Variants in GGTA1 observed in about 807,000 individuals in gnomAD.
GGTA1 encodes inactive N-acetyllactosaminide alpha-1,3-galactosyltransferase.
Under a neutral mutation model 2.6 loss-of-function variants are expected in GGTA1, and 5 were observed. The ratio of observed to expected loss-of-function variants is 1.92; its 90% CI spans 1.00 to 4.04. The LOEUF (loss-of-function observed/expected upper bound fraction) is 4.04, where lower values mean the gene tolerates loss of function less well. Ranked by LOEUF, GGTA1 falls within the 30% of genes most tolerant of loss-of-function variation. The pLI, the probability that GGTA1 is intolerant of heterozygous loss-of-function variation, is 0.00. For synonymous variants in GGTA1, 17 were observed against 5.0 expected, an observed-to-expected ratio of 3.38 and a Z score of -3.19; for missense variants, 50 against 16.7, an observed-to-expected ratio of 2.99 and a Z score of -3.47.
chr9:121,497,966 G>C (rs1263986168), intron 1 of GGTA1, among the ~76,000 whole-genome samples: 1 of 152,222 alleles, frequency 6.6e-6, no homozygotes, highest in Non-Finnish European at 1.5e-5. Context: ...CAGGTCTCCT[G>C]GTAAGGTGTG....
chr9:121,452,782 G>A (rs973696649), downstream of GGTA1, among the ~76,000 whole-genome samples: 2 of 152,198 alleles, frequency 1.3e-5, no homozygotes, highest in East Asian at 3.9e-4. Context: ...GCCTACCAAA[G>A]TGCCAGGATT....
intron 1 of GGTA1, among the ~76,000 whole-genome samples, chr9:121,486,201 C>T (rs992511641): frequency 6.6e-6 from 1 of 152,210 alleles, no homozygotes; most frequent in Admixed American, 6.5e-5. Context: ...TTCTCTGCTG[C>T]AAGGGCTATC....
rs1461414608 is a variant in GGTA1, at chr9:121,480,292, G to A, written c.-9-12361C>T. Among the ~76,000 whole-genome samples the A allele has an allele frequency of 5.9e-5, 9 of 152,004 alleles. 1 individual carries two copies. The highest frequency in any genetic ancestry group is 7.4e-5 in the Non-Finnish European group (5 of 67,978). The stretch of plus-strand genomic sequence containing the variant: ...AGGATGGTCTCGATCTCTTGACCTC[G>A]TGATCCGCCCGCCTCAGCCTCCCAA... On this transcript the variant is annotated intron_variant, in intron 1 of 5. Coordinates refer to ENST00000481799, the MANE Select transcript of GGTA1 (RefSeq NM_001382585.1).
At chr9:121,496,632 TGAGGC>T (rs1828997846) in intron 1 of GGTA1, among the ~76,000 whole-genome samples, 2 of 88,154 alleles carry the variant, frequency 2.3e-5, no homozygotes, top group African/African-American at 3.3e-5. Context: ...CTCAGGAGGC[TGAGGC>T]AGGAGAATCG....
intron 1 of GGTA1, among the ~76,000 whole-genome samples, chr9:121,479,913 T>C (rs1828604739): frequency 1.3e-5 from 2 of 152,188 alleles, no homozygotes; most frequent in South Asian, 4.1e-4. Context: ...ACAAGAACTT[T>C]AAAAGGTCAC....
intron 1 of GGTA1, among the ~76,000 whole-genome samples, chr9:121,471,560 T>G (rs1828391642): frequency 6.6e-6 from 1 of 152,176 alleles, no homozygotes; most frequent in Non-Finnish European, 1.5e-5. Flanking sequence ...TGAAATCCAG[T>G]TAAAGAAGAG....
intron 1 of GGTA1, among the ~76,000 whole-genome samples, chr9:121,496,900 G>A (rs998217659): frequency 6.6e-6 from 1 of 151,794 alleles, no homozygotes; most frequent in African/African-American, 2.4e-5. Flanking sequence ...CGTAAGATTT[G>A]TAGGTTTTAC....
chr9:121,485,937 C>A (rs1004583710), intron 1 of GGTA1, among the ~76,000 whole-genome samples: 5 of 152,176 alleles, frequency 3.3e-5, no homozygotes, highest in Non-Finnish European at 5.9e-5. Context: ...AACAACAACA[C>A]CACCACCACC....
Position 121,484,569 on chromosome 9 carries a change from C to T in GGTA1, c.-10+15081G>A, listed in dbSNP as rs572305361. On this transcript the variant is annotated intron_variant, in intron 1 of 5. Transcript: ENST00000481799. ...AAAGTACTGGGATTATAGGTCCCGC[C>T]GCTGTCTACATTTTTCAAATGTTCT... 2.2e-4 allele frequency among the ~76,000 whole-genome samples: 34 copies of T among 152,266 alleles called. No individual in the cohort carries two copies. In the South Asian group the frequency reaches 5.6e-3, roughly 25 times the overall value.
chr9:121,474,436 G>A (rs1828462774), intron 1 of GGTA1, among the ~76,000 whole-genome samples: 1 of 152,148 alleles, frequency 6.6e-6, no homozygotes, highest in Non-Finnish European at 1.5e-5. Context: ...GGGTCACATT[G>A]TACAGCCTGT....
intron 1 of GGTA1, among the ~76,000 whole-genome samples, chr9:121,493,639 C>T (rs528039638): frequency 1.2e-4 from 18 of 144,518 alleles, no homozygotes; most frequent in East Asian, 5.8e-4. Context: ...CTCTGTCAGC[C>T]GCTGTCTTCC....
chr9:121,460,180 T>C lies in GGTA1; in HGVS notation c.222A>G (p.Lys74=). ...CTTTGGTCTCCTCTCTTCCTTTTTC[T>C]TTGTCTATGTCTTCTTCCCCTTGTT... ...NYQQGEEDID[K]EKGREETKGR... The change falls in exon 5 of 6, where the codon AAA becomes AAG. Residue 74 remains lysine (K), a synonymous_variant. Coordinates refer to ENST00000481799, the MANE Select transcript of GGTA1 (RefSeq NM_001382585.1). 2 of 457,112 alleles carry C rather than the reference T, an allele frequency of 4.4e-6. No homozygotes were observed. The highest frequency in any genetic ancestry group is 8.8e-6 in the Non-Finnish European group (2 of 227,070). The allele number at this position is 457,112 out of a possible 1,614,324, so 28.3% of individuals were successfully genotyped here.
intron 4 of GGTA1, among the ~76,000 whole-genome samples, chr9:121,460,590 A>G (rs948373296): frequency 9.2e-5 from 14 of 152,192 alleles, no homozygotes; most frequent in Admixed American, 6.5e-5. Context: ...GATCACGCCT[A>G]TAATCTCAGC....
intron 2 of GGTA1, among the ~76,000 whole-genome samples, chr9:121,465,804 C>T (rs2065001414): frequency 6.6e-6 from 1 of 152,214 alleles, no homozygotes; most frequent in African/African-American, 2.4e-5. Flanking sequence ...AGGAGGATGA[C>T]AGCTAGCATT....
chr9:121,465,654 G>A (rs1008014498), intron 2 of GGTA1, among the ~76,000 whole-genome samples: 1 of 150,006 alleles, frequency 6.7e-6, no homozygotes, highest in Non-Finnish European at 1.5e-5. Flanking sequence ...GTGGCCATCT[G>A]CCAGCCAGGA....
downstream of GGTA1, among the ~76,000 whole-genome samples, chr9:121,453,260 C>T (rs2064887453): frequency 6.6e-6 from 1 of 152,216 alleles, no homozygotes; most frequent in Non-Finnish European, 1.5e-5. Context: ...CTGGCAAGGA[C>T]CTTCTCCTTA....
At chr9:121,452,090 G>A (rs959240457), downstream of GGTA1, 10 of 152,598 alleles carry the variant, frequency 6.6e-5, no homozygotes, top group African/African-American at 2.4e-4. Flanking sequence ...CCACACAAAT[G>A]TTTTGACAGT....
At chr9:121,498,976 G>T (rs569274296) in intron 1 of GGTA1, among the ~76,000 whole-genome samples, 1 of 151,796 alleles carries the variant, frequency 6.6e-6, no homozygotes, top group South Asian at 2.1e-4. Flanking sequence ...ACGCGGGGTG[G>T]TGTCCTTTTC....
rs566893268 is a variant in GGTA1 at position 121,496,647 on chromosome 9, G to A, written c.-10+3003C>T. Among the ~76,000 whole-genome samples the A allele has an allele frequency of 2.6e-3, 368 of 139,970 alleles. 4 individuals are homozygous for A. The highest frequency in any genetic ancestry group is 9.2e-3 in the African/African-American group (341 of 37,052). The allele number at this position is 139,970 out of a possible 152,430, so 91.8% of individuals were successfully genotyped here. On this transcript the variant is annotated intron_variant, in intron 1 of 5. Coordinates refer to ENST00000481799, the MANE Select transcript of GGTA1 (RefSeq NM_001382585.1). ...CTCAGGAGGCTGAGGCAGGAGAATC[G>A]CTTGAACCCGGGAGGCAAAGGTTGC...
Sources: allele counts gnomAD v4.1 joint callset (sites outside exome capture counted in the v4.1 genomes callset), GRCh38; gene constraint gnomAD v4.1.1; transcripts MANE v1.5; gene names NCBI Gene and HGNC (gene_info 2026-07-23, HGNC 2026-07-21).